The following ITGA2 variants were observed in gnomAD, a reference collection of about 807,000 sequenced individuals.
The protein encoded by ITGA2 is integrin alpha-2.
A neutral mutation model predicts 146.3 loss-of-function variants in ITGA2; 101 were observed. The observed-to-expected ratio is 0.69, with a 90% confidence interval of 0.59 to 0.81. ITGA2 has a LOEUF of 0.81. Ranked by LOEUF, ITGA2 falls within the 40% of genes least tolerant of loss-of-function variation. ITGA2 has a pLI of 0.00. For missense variants in ITGA2, 1,281 were observed against 1,402.7 expected (o/e 0.91, Z 1.39); for synonymous variants, 477 against 487.1 (o/e 0.98, Z 0.27).
chr5:52,992,869 A>G (rs1741045184), intron 1 of ITGA2, among the ~76,000 whole-genome samples: 1 of 152,074 alleles, frequency 6.6e-6, no homozygotes, highest in South Asian at 2.1e-4. Flanking sequence ...TCTTTACTGT[A>G]TGCTTTCCTG....
At chr5:53,038,945 T>G (rs1008930043) in intron 2 of ITGA2, among the ~76,000 whole-genome samples, 2 of 151,992 alleles carry the variant, frequency 1.3e-5, no homozygotes, top group African/African-American at 4.8e-5. Context: ...GTGCAAAAGA[T>G]AGCTGGGCAT....
intron 7 of ITGA2, among the ~76,000 whole-genome samples, chr5:53,052,280 C>A (rs1287361047): frequency 6.6e-6 from 1 of 152,004 alleles, no homozygotes; most frequent in Non-Finnish European, 1.5e-5. Context: ...ATGTTCCCCT[C>A]CCTGTGTCCT....
At chr5:52,998,840 AGG>A (rs1741421020) in intron 1 of ITGA2, among the ~76,000 whole-genome samples, 1 of 152,202 alleles carries the variant, frequency 6.6e-6, no homozygotes, top group South Asian at 2.1e-4. Flanking sequence ...AGCTACTGTA[AGG>A]GGATTAAAGA....
chr5:53,061,681 G>A (rs1744910763), intron 12 of ITGA2, among the ~76,000 whole-genome samples: 1 of 151,956 alleles, frequency 6.6e-6, no homozygotes, highest in Admixed American at 6.6e-5. Flanking sequence ...GCAAAGGCCA[G>A]CTGATTGCTT....
At position 53,081,035 on chromosome 5, in the gene ITGA2, C is replaced by T. The variant is rs538167066; in HGVS notation, c.3039+414C>T. Among the ~76,000 whole-genome samples the T allele has an allele frequency of 5.9e-5, 9 of 152,220 alleles. No individual in the cohort carries two copies. The South Asian group carries it at 1.5e-3, about 25-fold the overall frequency. ...GGCTGTTCATTTTAATCCCTCTGTT[C>T]GCTCTTTTAAATAACAGTGCCCAGA... On this transcript the variant is annotated intron_variant, in intron 25 of 29. Coordinates refer to ENST00000296585, the MANE Select transcript of ITGA2 (RefSeq NM_002203.4).
At position 53,083,373 on chromosome 5, in the gene ITGA2, T is replaced by A; in HGVS notation, c.3178T>A (p.Cys1060Ser). 6.2e-7 allele frequency: 1 copy of A among 1,613,394 alleles called. No individual in the cohort carries two copies. The highest frequency in any genetic ancestry group is 8.5e-7 in the Non-Finnish European group (1 of 1,179,354). The change falls in exon 27 of 30, where the codon TGC becomes AGC. Residue 1060 changes from cysteine (C) to serine (S), a missense_variant. Physicochemically the swap from Cys to Ser is moderately radical, Grantham distance 112. Coordinates refer to ENST00000296585, the MANE Select transcript of ITGA2 (RefSeq NM_002203.4). Reference sequence around the variant, plus strand: ...AACTGCTTCCTGTAGTAATGTTACCTGCTGGTTGAAAGACGTTCACATGAA... The same window carrying A: ...AACTGCTTCCTGTAGTAATGTTACCAGCTGGTTGAAAGACGTTCACATGAA... ...CRTASCSNVT[C>S]WLKDVHMKGE...
chr5:53,042,289 A>T, intron 3 of ITGA2, 68 bp downstream of exon 3: 1 of 1,012,852 alleles, frequency 9.9e-7, no homozygotes, highest in Non-Finnish European at 1.6e-6. Context: ...ACATCAGAAC[A>T]ATCATTGTTC....
chr5:53,045,151 C>T (rs1744014764), intron 4 of ITGA2, 59 bp downstream of exon 4: 2 of 1,241,796 alleles, frequency 1.6e-6, no homozygotes, highest in Non-Finnish European at 2.4e-6. Context: ...ACAGTAGTGT[C>T]TTCTCACCAT....
chr5:53,036,633 TC>T (rs988522215), intron 2 of ITGA2, among the ~76,000 whole-genome samples: 2 of 152,142 alleles, frequency 1.3e-5, no homozygotes, highest in African/African-American at 4.8e-5. Flanking sequence ...CACCCCACAC[TC>T]CTAACTCCAG....
Position 53,074,405 on chromosome 5 carries a change from A to T in ITGA2, c.2592A>T (p.Thr864=), listed in dbSNP as rs755516569. Residue 864 remains threonine, a synonymous_variant, in exon 21 of 30, where the codon ACA becomes ACT. Coordinates refer to ENST00000296585, the MANE Select transcript of ITGA2 (RefSeq NM_002203.4). ...TTCAGGTTGATGGGACAGAAGTAAC[A>T]TGCCAGGTGGCTGCATCTCAGAAGT... is the stretch of plus-strand genomic sequence containing the variant. ...FSLPVDGTEV[T]CQVAASQKSV... 6.2e-7 allele frequency: 1 copy of T among 1,612,418 alleles called. No homozygotes were observed. The highest frequency in any genetic ancestry group is 1.1e-5 in the South Asian group (1 of 91,056).
intron 1 of ITGA2, among the ~76,000 whole-genome samples, chr5:52,991,155 C>T (rs557276199): frequency 2.6e-5 from 4 of 152,118 alleles, no homozygotes; most frequent in Non-Finnish European, 5.9e-5. Context: ...AAAATAACAT[C>T]TGCAAAAGTT....
Position 53,048,471 on chromosome 5 carries a change from A to G in ITGA2, c.496A>G (p.Thr166Ala). The G allele has an allele frequency of 6.2e-7, 1 of 1,613,944 alleles. No individual in the cohort carries two copies. The highest frequency in any genetic ancestry group is 8.5e-7 in the Non-Finnish European group (1 of 1,179,824). Residue 166 changes from threonine (T) to alanine (A), a missense_variant, in exon 5 of 30, where the codon ACT becomes GCT. This residue lies in a region of ITGA2 where 795 missense variants were observed against 841.7 expected (regional missense o/e 0.94). Transcript: ENST00000296585. The part of the protein sequence containing the change: ...FQLSASFSPA[T>A]QPCPSLIDVV... ...GCTCTCAGCCAGCTTCTCACCTGCA[A>G]CTCAGCGTAAGTTATTAATGTGCAG... is the stretch of plus-strand genomic sequence containing the variant.
chr5:53,068,358 A>G (rs1438947578), intron 16 of ITGA2, among the ~76,000 whole-genome samples: 1 of 151,918 alleles, frequency 6.6e-6, no homozygotes, highest in Admixed American at 6.6e-5. Flanking sequence ...AGCACACATG[A>G]TAGTTAAGTC....
intron 2 of ITGA2, among the ~76,000 whole-genome samples, chr5:53,030,450 C>G (rs1743171443): frequency 6.6e-6 from 1 of 152,168 alleles, no homozygotes; most frequent in African/African-American, 2.4e-5. Flanking sequence ...AGATTAGGCT[C>G]AAGGCCTAAC....
chr5:53,053,164 T>C (rs542354445), intron 7 of ITGA2, among the ~76,000 whole-genome samples: 195 of 152,286 alleles, frequency 1.3e-3, no homozygotes, highest in South Asian at 2.3e-3. Context: ...CCACATCCTG[T>C]CATTTCTATT....
intron 1 of ITGA2, among the ~76,000 whole-genome samples, chr5:52,994,595 C>T (rs565710154): frequency 1.2e-4 from 18 of 152,208 alleles, no homozygotes; most frequent in Admixed American, 3.9e-4. Flanking sequence ...CTTGCAACTG[C>T]GATGTCAACT....
chr5:53,040,060 G>A (rs1449877870), intron 2 of ITGA2, among the ~76,000 whole-genome samples: 3 of 151,938 alleles, frequency 2.0e-5, no homozygotes, highest in South Asian at 4.2e-4. Flanking sequence ...TAAAAGAGCC[G>A]GGGGACTTCC....
chr5:53,037,408 C>T (rs566079770), intron 2 of ITGA2, among the ~76,000 whole-genome samples: 5 of 152,326 alleles, frequency 3.3e-5, no homozygotes, highest in South Asian at 2.1e-4. Context: ...AAAGAGGTTT[C>T]GCCATACTTC....
chr5:53,053,769 CTCTG>C (rs747069172), intron 7 of ITGA2, among the ~76,000 whole-genome samples: 53 of 152,180 alleles, frequency 3.5e-4, no homozygotes, highest in Non-Finnish European at 6.3e-4. Context: ...GTCTCTCTCT[CTCTG>C]TCTGTCTCTC....
Sources: allele counts gnomAD v4.1 joint callset (sites outside exome capture counted in the v4.1 genomes callset), GRCh38; gene constraint gnomAD v4.1.1; regional missense constraint gnomAD v4.1.1; transcripts MANE v1.5; gene names NCBI Gene and HGNC (gene_info 2026-07-23, HGNC 2026-07-21).